The following SNX25 variants were observed in gnomAD, a reference collection of about 807,000 sequenced individuals.
SNX25 encodes the protein sorting nexin 25, also known as sorting nexin-25.
SNX25 carries 62 observed loss-of-function variants against 113.7 expected under a neutral mutation model. That is an observed-to-expected ratio of 0.55 (90% confidence interval 0.44 to 0.67). SNX25 has a LOEUF of 0.67. SNX25 is among the 30% of genes least tolerant of loss of function. The pLI is 0.00. For synonymous variants in SNX25, 421 were observed against 436.2 expected (o/e 0.97, Z 0.43); for missense variants, 1,014 against 1,161.0 (o/e 0.87, Z 1.84).
intron 9 of SNX25, among the ~76,000 whole-genome samples, chr4:185,331,260 A>G (rs1327256749): frequency 1.3e-5 from 2 of 152,192 alleles, no homozygotes; most frequent in Non-Finnish European, 2.9e-5. Flanking sequence ...AGCAGAATCA[A>G]CCTATTACAG....
intron 1 of SNX25, among the ~76,000 whole-genome samples, chr4:185,222,204 C>G (rs1438909564): frequency 6.6e-6 from 1 of 151,318 alleles, no homozygotes; most frequent in Non-Finnish European, 1.5e-5. Flanking sequence ...TCCATATAAC[C>G]CTCCTTCATG....
chr4:185,245,850 CTT>C (rs1371569092), intron 1 of SNX25, among the ~76,000 whole-genome samples: 2 of 152,184 alleles, frequency 1.3e-5, no homozygotes, highest in African/African-American at 4.8e-5. Flanking sequence ...TTATTTAACT[CTT>C]TGACTATTGA....
chr4:185,273,977 G>A (rs1393986955), intron 5 of SNX25, among the ~76,000 whole-genome samples: 1 of 151,920 alleles, frequency 6.6e-6, no homozygotes, highest in East Asian at 1.9e-4. Context: ...ATGGTCCAGG[G>A]TGGATTCTAG....
At chr4:185,245,513 T>A (rs1744739589) in intron 1 of SNX25, among the ~76,000 whole-genome samples, 1 of 152,024 alleles carries the variant, frequency 6.6e-6, no homozygotes, top group Admixed American at 6.6e-5. Flanking sequence ...AATTTTTGTA[T>A]TTTTAGTAGA....
intron 1 of SNX25, among the ~76,000 whole-genome samples, chr4:185,211,101 A>G (rs896151612): frequency 6.6e-6 from 1 of 152,210 alleles, no homozygotes; most frequent in Non-Finnish European, 1.5e-5. Context: ...TTGGGGTAAG[A>G]TAAATGGCAG....
chr4:185,290,404 A>G (rs1418202071), intron 6 of SNX25, among the ~76,000 whole-genome samples: 2 of 152,194 alleles, frequency 1.3e-5, no homozygotes, highest in African/African-American at 2.4e-5. Context: ...CAAACAAACT[A>G]AGCACTCTTG....
chr4:185,318,310 T>C (rs1002303562), intron 7 of SNX25, among the ~76,000 whole-genome samples: 2 of 152,238 alleles, frequency 1.3e-5, no homozygotes, highest in African/African-American at 4.8e-5. Flanking sequence ...GGCCTTAAAT[T>C]CCTCCTAAAT....
At chr4:185,268,880 T>G (rs1286323525) in intron 5 of SNX25, among the ~76,000 whole-genome samples, 2 of 152,186 alleles carry the variant, frequency 1.3e-5, no homozygotes, top group Non-Finnish European at 2.9e-5. Flanking sequence ...AAATATATAC[T>G]CAAATATATA....
At chr4:185,339,845 A>G (rs2095250881) in intron 11 of SNX25, among the ~76,000 whole-genome samples, 1 of 152,262 alleles carries the variant, frequency 6.6e-6, no homozygotes, top group South Asian at 2.1e-4. Flanking sequence ...TTGGAGATGA[A>G]AAACTAAAAA....
chr4:185,248,076 A>G (rs1259493401), intron 2 of SNX25, among the ~76,000 whole-genome samples: 1 of 152,208 alleles, frequency 6.6e-6, no homozygotes, highest in African/African-American at 2.4e-5. Context: ...ATGTACATAT[A>G]TGTGTTTTAC....
At chr4:185,261,112 C>CTGTGTGTG (rs1486839854) in intron 3 of SNX25, among the ~76,000 whole-genome samples, 1 of 114,516 alleles carries the variant, frequency 8.7e-6, no homozygotes. Flanking sequence ...GTCTGTCTGT[C>CTGTGTGTG]TCTGTGTGTG....
At position 185,316,610 on chromosome 4, in the gene SNX25, A is replaced by T. The variant is rs1348889228; in HGVS notation, c.1345-4123A>T. ...AGGAAATGGAAATAGGAGTACATGG[A>T]GTTTGGAAATCAGTGGCAATAAATG... On this transcript the variant is annotated intron_variant, in intron 7 of 18. Transcript: ENST00000652585. Among the ~76,000 whole-genome samples the T allele has an allele frequency of 2.6e-5, 4 of 152,236 alleles. No homozygotes were observed. The East Asian group carries it at 7.7e-4, about 29-fold the overall frequency.
At chr4:185,335,180 C>T (rs1047633354) in intron 10 of SNX25, among the ~76,000 whole-genome samples, 7 of 151,854 alleles carry the variant, frequency 4.6e-5, no homozygotes, top group East Asian at 1.9e-4. Flanking sequence ...ATTAGCCTGT[C>T]GTGGTGGCGG....
intron 15 of SNX25, among the ~76,000 whole-genome samples, chr4:185,354,032 A>G (rs1372918412): frequency 7.0e-6 from 1 of 143,570 alleles, no homozygotes; most frequent in Non-Finnish European, 1.5e-5. Flanking sequence ...TAACAGCGAG[A>G]CTCCGTCTCA....
At chr4:185,270,947 G>T (rs115885491) in intron 5 of SNX25, among the ~76,000 whole-genome samples, 537 of 152,302 alleles carry the variant, frequency 3.5e-3, no homozygotes, top group African/African-American at 0.012. Flanking sequence ...TGGATTGTCT[G>T]CCATTTAAAG....
In SNX25 at chr4:185,220,407, T is replaced by A. The variant is rs538064683; in HGVS notation, c.429+10152T>A. ...TTAACTCGTCATTTAGCATTAGGTA[T>A]ATCTCCTAATGCTTGTTCCTCTTGT... On this transcript the variant is annotated intron_variant, in intron 1 of 18. Transcript: ENST00000652585. 1.7e-4 allele frequency among the ~76,000 whole-genome samples: 26 copies of A among 152,202 alleles called. No homozygotes were observed. In the South Asian group the frequency reaches 5.2e-3, roughly 30 times the overall value.
chr4:185,209,442 G>GCGCCCTCTCCCCGTGGGGCC (rs1737370554), upstream of SNX25: 1 of 152,240 alleles, frequency 6.6e-6, no homozygotes, highest in Non-Finnish European at 1.5e-5. The surrounding 1 kb of genome is among the most constrained non-coding windows in gnomAD (Gnocchi z 5.2). Context: ...GCGCTGGGTC[G>GCGCCCTCTCCCCGTGGGGCC]CGCCCTCTCC....
At chr4:185,374,341 G>T (rs201973995), downstream of SNX25, 2 of 1,613,866 alleles carry the variant, frequency 1.2e-6, no homozygotes, top group Non-Finnish European at 1.7e-6. Context: ...TCATTTGATC[G>T]TTTAACACCT....
At chr4:185,311,207 A>G (rs1422477873) in intron 7 of SNX25, among the ~76,000 whole-genome samples, 1 of 152,212 alleles carries the variant, frequency 6.6e-6, no homozygotes, top group African/African-American at 2.4e-5. Flanking sequence ...AACTCTTGCC[A>G]CAATATTATG....
Sources: gnomAD v4.1 joint callset for allele counts (sites outside exome capture counted in the v4.1 genomes callset) on GRCh38, gnomAD v4.1.1 for gene constraint, Gnocchi (gnomAD v3.1) non-coding constraint, MANE v1.5 for transcripts, NCBI Gene and HGNC (gene_info 2026-07-23, HGNC 2026-07-21) for gene names.